The following COL4A4 variants were observed in gnomAD, a reference collection of about 807,000 sequenced individuals.
The protein encoded by COL4A4 is collagen alpha-4(IV) chain.
A neutral mutation model predicts 192.9 loss-of-function variants in COL4A4; 105 were observed. That is an observed-to-expected ratio of 0.54 (90% CI 0.46 to 0.64). The LOEUF (loss-of-function observed/expected upper bound fraction) is 0.64. COL4A4 is among the 30% of genes least tolerant of loss of function. COL4A4 has a pLI of 0.00. For synonymous variants in COL4A4, 762 were observed against 769.9 expected (o/e 0.99, Z 0.17); for missense variants, 1,967 against 2,169.3 (o/e 0.91, Z 1.85).
At chr2:227,164,320 G>A (rs1258876631), upstream of COL4A4, 3 of 209,372 alleles carry the variant, frequency 1.4e-5, no homozygotes, top group East Asian at 3.0e-4. This position sits in a 1 kb window ranked among gnomAD's most constrained non-coding sequence, Gnocchi z 4.8. Context: ...ACCCCCAAAC[G>A]CCCCACCTCC....
At chr2:226,975,098 G>A in the COL4A4 span, among the ~76,000 whole-genome samples, 1 of 152,172 alleles carries the variant, frequency 6.6e-6, no homozygotes, top group South Asian at 2.1e-4. Flanking sequence ...TTAGTTGGCA[G>A]TTCCATTTCT....
chr2:227,007,919 CAG>C, intron 47 of COL4A4, 97 bp downstream of exon 47: 1 of 1,450,680 alleles, frequency 6.9e-7, no homozygotes, highest in Non-Finnish European at 9.5e-7. Flanking sequence ...GTCCTAAGCG[CAG>C]AGTGCTCAGA....
chr2:226,967,770 T>G, the COL4A4 span, among the ~76,000 whole-genome samples: 1 of 151,798 alleles, frequency 6.6e-6, no homozygotes, highest in East Asian at 1.9e-4. Context: ...TTTGCAAATG[T>G]GTGTGTGAGA....
chr2:226,998,568 C>CTAAG (rs1258830832), downstream of COL4A4: 1 of 152,014 alleles, frequency 6.6e-6, no homozygotes, highest in African/African-American at 2.4e-5. Flanking sequence ...CAGTCATTCC[C>CTAAG]TAAGTTTCTT....
At chr2:227,060,963 T>G (rs938090399) in intron 26 of COL4A4, among the ~76,000 whole-genome samples, 8 of 152,172 alleles carry the variant, frequency 5.3e-5, no homozygotes, top group African/African-American at 1.9e-4. Context: ...CCTGACCTCG[T>G]GATCCACCCA....
intron 12 of COL4A4, among the ~76,000 whole-genome samples, chr2:227,106,893 A>C (rs1392306268): frequency 1.3e-5 from 2 of 152,226 alleles, no homozygotes; most frequent in Middle Eastern, 3.2e-3. Flanking sequence ...GTGTTCATTC[A>C]CCTGACAATC....
At chr2:226,995,478 G>GA in the COL4A4 span, 1 of 1,613,326 alleles carries the variant, frequency 6.2e-7, no homozygotes, top group East Asian at 2.2e-5. Context: ...TCTCTCACCA[G>GA]AAGAAATGAG....
chr2:227,051,892 T>C (rs1974188579), intron 32 of COL4A4, among the ~76,000 whole-genome samples: 1 of 152,116 alleles, frequency 6.6e-6, no homozygotes, highest in South Asian at 2.1e-4. Context: ...TGTTTATTTA[T>C]ATCTAAAAAA....
At chr2:227,011,901 A>G (rs1386928924) in intron 45 of COL4A4, among the ~76,000 whole-genome samples, 1 of 152,192 alleles carries the variant, frequency 6.6e-6, no homozygotes, top group Non-Finnish European at 1.5e-5. Flanking sequence ...AACTGCAGAA[A>G]TGGCCAAGAC....
intron 1 of COL4A4, among the ~76,000 whole-genome samples, chr2:227,153,312 G>A (rs73996207): frequency 0.048 from 7,260 of 152,280 alleles, 597 homozygotes; most frequent in African/African-American, 0.17. Context: ...TAACATTGCA[G>A]ACAACAGTTT....
chr2:227,081,556 C>T (rs1022572368), intron 23 of COL4A4, among the ~76,000 whole-genome samples: 2 of 152,222 alleles, frequency 1.3e-5, no homozygotes, highest in East Asian at 3.9e-4. Context: ...TGAGCCACTA[C>T]TGGCTTCCTT....
At chr2:227,119,721 GATAT>G (rs995106716) in intron 6 of COL4A4, among the ~76,000 whole-genome samples, 170 bp downstream of exon 6, 2 of 147,984 alleles carry the variant, frequency 1.4e-5, no homozygotes, top group African/African-American at 2.5e-5. Flanking sequence ...TATGGTGAAA[GATAT>G]ATATATATTA....
At chr2:226,976,308 A>T in the COL4A4 span, among the ~76,000 whole-genome samples, 1 of 148,580 alleles carries the variant, frequency 6.7e-6, no homozygotes, top group East Asian at 2.0e-4. Context: ...TGGAGACACC[A>T]CTAGACAAAG....
At chr2:227,146,793 T>C (rs1310350198) in intron 2 of COL4A4, among the ~76,000 whole-genome samples, 1 of 152,162 alleles carries the variant, frequency 6.6e-6, no homozygotes, top group African/African-American at 2.4e-5. Context: ...TCTCTCTTGC[T>C]GCATCCCGCT....
At chr2:226,971,477 T>TTTC in the COL4A4 span, among the ~76,000 whole-genome samples, 2 of 152,218 alleles carry the variant, frequency 1.3e-5, no homozygotes, top group African/African-American at 4.8e-5. Flanking sequence ...CCAAGCCAGT[T>TTTC]TTCTTCTCTG....
intron 29 of COL4A4, 25 bp from the exon 30 acceptor site, chr2:227,056,140 G>A (rs1309958287): frequency 6.2e-7 from 1 of 1,610,006 alleles, no homozygotes; most frequent in East Asian, 2.2e-5. Flanking sequence ...AGTGACCACA[G>A]TGTGTGAAGG....
chr2:227,066,436 G>T (rs2058345580), intron 25 of COL4A4, among the ~76,000 whole-genome samples: 1 of 152,032 alleles, frequency 6.6e-6, no homozygotes, highest in Admixed American at 6.6e-5. Context: ...AAGTTGAAAT[G>T]AAGGAAAAAA....
At position 227,059,637 on chromosome 2, in the gene COL4A4, A is replaced by AC. The variant is rs780236337; in HGVS notation, c.2165-15_2165-14insG. The AC allele has an allele frequency of 1.6e-5, 26 of 1,599,916 alleles. No homozygotes were observed. In the African/African-American group the frequency reaches 3.4e-4, roughly 21 times the overall value. ...CACCACGAAAACCTATTTAACAACA[A>AC]AAAAAAATTTTTAATGATAACATGT... On this transcript the variant is annotated splice_polypyrimidine_tract_variant and intron_variant, in intron 27 of 47. Transcript: ENST00000396625.
intron 43 of COL4A4, among the ~76,000 whole-genome samples, chr2:227,023,813 A>G (rs1575828387): frequency 6.6e-6 from 1 of 152,118 alleles, no homozygotes; most frequent in African/African-American, 2.4e-5. Flanking sequence ...AGAGATTGAG[A>G]CCATCCTAGC....
Sources: allele counts gnomAD v4.1 joint callset (sites outside exome capture counted in the v4.1 genomes callset), GRCh38; gene constraint gnomAD v4.1.1; non-coding constraint Gnocchi (gnomAD v3.1); transcripts MANE v1.5; gene names NCBI Gene and HGNC (gene_info 2026-07-23, HGNC 2026-07-21).